Variants in FBXL7 observed in about 807,000 individuals in gnomAD.
FBXL7 encodes the protein F-box and leucine rich repeat protein 7.
A neutral mutation model predicts 38.3 loss-of-function variants in FBXL7; 12 were observed. The observed-to-expected ratio is 0.31, with a 90% CI of 0.20 to 0.51. The LOEUF is 0.51. Ranked by LOEUF, FBXL7 falls within the 20% of genes least tolerant of loss-of-function variation. FBXL7 has a pLI of 0.98. For synonymous variants in FBXL7, 297 were observed against 300.9 expected, an observed-to-expected ratio of 0.99 and a Z score of 0.13; for missense variants, 567 against 676.4, an observed-to-expected ratio of 0.84 and a Z score of 1.79.
At chr5:15,596,923 T>C (rs1739641841) in intron 1 of FBXL7, among the ~76,000 whole-genome samples, 1 of 152,204 alleles carries the variant, frequency 6.6e-6, no homozygotes, top group Admixed American at 6.5e-5. Context: ...ATATCCTTTA[T>C]AGTAAGCCAG....
chr5:15,883,098 C>T (rs1293250630), intron 2 of FBXL7, among the ~76,000 whole-genome samples: 3 of 152,100 alleles, frequency 2.0e-5, no homozygotes, highest in Non-Finnish European at 4.4e-5. Context: ...TAATTAAAAT[C>T]ATCCTTTTCA....
intron 2 of FBXL7, among the ~76,000 whole-genome samples, chr5:15,672,520 G>T (rs1158869186): frequency 6.6e-6 from 1 of 150,680 alleles, no homozygotes; most frequent in African/African-American, 2.4e-5. Flanking sequence ...TTTGAAATCT[G>T]AAGTTATACA....
At chr5:15,620,942 T>G (rs536912866) in intron 2 of FBXL7, among the ~76,000 whole-genome samples, 2 of 152,336 alleles carry the variant, frequency 1.3e-5, no homozygotes, top group East Asian at 1.9e-4. Flanking sequence ...GACATCGAAT[T>G]TATCCACTCC....
At chr5:15,767,437 G>C (rs181465563) in intron 2 of FBXL7, among the ~76,000 whole-genome samples, 3 of 152,098 alleles carry the variant, frequency 2.0e-5, no homozygotes, top group African/African-American at 7.2e-5. Flanking sequence ...TAGTCTTTGC[G>C]GTGTGAGGAA....
At chr5:15,935,163 G>A in intron 3 of FBXL7, 1 of 534,738 alleles carries the variant, frequency 1.9e-6, no homozygotes. Context: ...GGTAAAAGAT[G>A]CCGTCAGAGA....
chr5:15,718,075 G>A (rs12659413), intron 2 of FBXL7, among the ~76,000 whole-genome samples: 5 of 151,874 alleles, frequency 3.3e-5, no homozygotes, highest in African/African-American at 1.2e-4. Flanking sequence ...TTACAGGGAC[G>A]CAGAGTCAGT....
At chr5:15,840,929 T>C (rs1420781529) in intron 2 of FBXL7, among the ~76,000 whole-genome samples, 1 of 151,994 alleles carries the variant, frequency 6.6e-6, no homozygotes, top group Non-Finnish European at 1.5e-5. Context: ...AGGCATTTAG[T>C]AAATTTTATT....
intron 2 of FBXL7, among the ~76,000 whole-genome samples, chr5:15,829,959 T>C (rs1738408938): frequency 6.6e-6 from 1 of 152,116 alleles, no homozygotes; most frequent in Non-Finnish European, 1.5e-5. Context: ...TCCGAATCAT[T>C]TACATCTTGA....
chr5:15,774,532 T>C (rs1206296560), intron 2 of FBXL7, among the ~76,000 whole-genome samples: 1 of 152,194 alleles, frequency 6.6e-6, no homozygotes, highest in African/African-American at 2.4e-5. Context: ...TTCCCATCTT[T>C]GAGAATCCCA....
At chr5:15,669,190 A>T (rs528504194) in intron 2 of FBXL7, among the ~76,000 whole-genome samples, 40 of 152,212 alleles carry the variant, frequency 2.6e-4, no homozygotes, top group East Asian at 5.8e-4. Context: ...AATTTTTTTT[A>T]AAAAAAGGAA....
At chr5:15,575,751 G>A (rs192509542) in intron 1 of FBXL7, among the ~76,000 whole-genome samples, 6 of 152,310 alleles carry the variant, frequency 3.9e-5, no homozygotes, top group Admixed American at 2.6e-4. Context: ...AGAATGAAAT[G>A]TATTAAGTGT....
chr5:15,807,973 G>A (rs1737760040), intron 2 of FBXL7, among the ~76,000 whole-genome samples: 1 of 152,154 alleles, frequency 6.6e-6, no homozygotes, highest in African/African-American at 2.4e-5. Context: ...TGAAGCTTGA[G>A]CTATGAGGCA....
At chr5:15,789,432 C>T (rs1422947321) in intron 2 of FBXL7, among the ~76,000 whole-genome samples, 1 of 152,158 alleles carries the variant, frequency 6.6e-6, no homozygotes, top group Non-Finnish European at 1.5e-5. Context: ...GCACAGCCCA[C>T]CTGCCCTTTG....
chr5:15,873,986 A>G (rs566323785), intron 2 of FBXL7, among the ~76,000 whole-genome samples: 85 of 152,332 alleles, frequency 5.6e-4, no homozygotes, highest in African/African-American at 2.0e-3. Flanking sequence ...TTTCAGGCCA[A>G]TATCCCTGAT....
At chr5:15,696,787 C>T (rs1363712514) in intron 2 of FBXL7, among the ~76,000 whole-genome samples, 1 of 152,190 alleles carries the variant, frequency 6.6e-6, no homozygotes, top group African/African-American at 2.4e-5. Context: ...TGTGGAACAA[C>T]GTCCTCTCCC....
chr5:15,847,197 A>C (rs1738933051), intron 2 of FBXL7, among the ~76,000 whole-genome samples: 1 of 152,206 alleles, frequency 6.6e-6, no homozygotes, highest in South Asian at 2.1e-4. Context: ...TGGGTAATTT[A>C]TAAAGGAAAG....
intron 2 of FBXL7, among the ~76,000 whole-genome samples, chr5:15,891,809 G>A (rs1740915070): frequency 2.0e-5 from 3 of 152,236 alleles, no homozygotes; most frequent in Admixed American, 6.5e-5. Flanking sequence ...AGTACCCACG[G>A]ACTAGCTACA....
intron 2 of FBXL7, among the ~76,000 whole-genome samples, chr5:15,790,492 A>T (rs1326832041): frequency 6.6e-6 from 1 of 152,190 alleles, no homozygotes; most frequent in Non-Finnish European, 1.5e-5. Context: ...GTGAGCCATT[A>T]TTCTGACCAC....
At chr5:15,917,210 C>T (rs1741606626) in intron 2 of FBXL7, among the ~76,000 whole-genome samples, 1 of 152,132 alleles carries the variant, frequency 6.6e-6, no homozygotes, top group Non-Finnish European at 1.5e-5. Context: ...CATATATGCT[C>T]ACCACTTCAA....
Sources: allele counts gnomAD v4.1 joint callset (sites outside exome capture counted in the v4.1 genomes callset), GRCh38; gene constraint gnomAD v4.1.1; transcripts MANE v1.5; gene names NCBI Gene and HGNC (gene_info 2026-07-23, HGNC 2026-07-21).